SLCO1A2: variants seen among roughly 807,000 people sequenced by gnomAD.
The protein encoded by SLCO1A2 is OATP-1.
A neutral mutation model predicts 69.0 loss-of-function variants in SLCO1A2; 67 were observed. The ratio of observed to expected loss-of-function variants is 0.97; its 90% CI spans 0.80 to 1.19. The LOEUF is 1.19. Among genes scored for constraint, SLCO1A2 ranks in the 50% most tolerant of loss-of-function variants. SLCO1A2 has a pLI of 0.00. For synonymous variants in SLCO1A2, 260 were observed against 265.9 expected, an observed-to-expected ratio of 0.98 and a Z score of 0.22; for missense variants, 787 against 793.7, an observed-to-expected ratio of 0.99 and a Z score of 0.10.
Position 21,268,776 on chromosome 12 carries a change from CT to C in SLCO1A2, c.*771del, listed in dbSNP as rs1396323382. On this transcript the variant is annotated 3_prime_UTR_variant, in exon 15 of 15. Transcript: ENST00000683939. ...GACAATATCTGACATTACAAACAGC[CT>C]TTAAGAACTGGAGTTTTTATAATAT... The C allele has an allele frequency of 6.6e-6, 1 of 151,922 alleles. No individual in the cohort carries two copies. The highest frequency in any genetic ancestry group is 1.5e-5 in the Non-Finnish European group (1 of 67,946). The allele number at this position is 151,922 out of a possible 1,614,324, so 9.4% of individuals were successfully genotyped here.
chr12:21,297,150 GAGA>G (rs1294552328), intron 9 of SLCO1A2, among the ~76,000 whole-genome samples: 2 of 152,052 alleles, frequency 1.3e-5, no homozygotes, highest in Non-Finnish European at 2.9e-5. Context: ...TGACTTCAGA[GAGA>G]AGAAAATCAA....
chr12:21,327,761 CT>C lies in SLCO1A2; in HGVS notation c.60+6826del, dbSNP rs562592423. ...TTGTATCTAGGAAGTAACTAACTTG[CT>C]TTTGATTTTTTTTGATGGCTCCTAA... is the stretch of plus-strand genomic sequence containing the variant. On this transcript the variant is annotated intron_variant, in intron 2 of 14. Transcript: ENST00000683939. 9.2e-5 allele frequency among the ~76,000 whole-genome samples: 14 copies of C among 152,160 alleles called. No individual in the cohort carries two copies. The South Asian group carries it at 2.9e-3, about 32-fold the overall frequency.
rs11568564 is a variant in SLCO1A2, at chr12:21,304,514, G to T, written c.502C>A (p.Arg168Ser). ...WVYVLVGNIV[R>S]GMGETPILPL... ...AGGATGGGAGTTTCACCCATTCCAC[G>T]TACAATATTGCCTACTAGGACGTAC... Residue 168 changes from arginine (R) to serine (S), a missense_variant, in exon 6 of 15, where the codon CGT becomes AGT. By Grantham distance (110) the Arg-to-Ser change is moderately radical (BLOSUM62 -1). Coordinates refer to ENST00000683939, the MANE Select transcript of SLCO1A2 (RefSeq NM_001386879.1). 3.1e-6 allele frequency: 5 copies of T among 1,612,144 alleles called. No homozygotes were observed. In the South Asian group the frequency reaches 4.4e-5, roughly 14 times the overall value.
intron 2 of SLCO1A2, among the ~76,000 whole-genome samples, chr12:21,368,470 A>T (rs1005644191): frequency 1.1e-4 from 16 of 148,776 alleles, no homozygotes; most frequent in Non-Finnish European, 2.1e-4. Context: ...AACCAGTTAA[A>T]TTTTTTTTTT....
intron 11 of SLCO1A2, 89 bp downstream of exon 11, chr12:21,293,856 T>C: frequency 9.4e-7 from 1 of 1,063,190 alleles, no homozygotes; most frequent in Non-Finnish European, 1.3e-6. Context: ...GAGGAAACAC[T>C]AATTTTACTT....
intron 11 of SLCO1A2, 81 bp downstream of exon 11, chr12:21,293,864 C>A: frequency 8.5e-7 from 1 of 1,180,568 alleles, no homozygotes; most frequent in Non-Finnish European, 1.1e-6. Flanking sequence ...ACTAATTTTA[C>A]TTTTATTAAA....
rs4148980 is a variant in SLCO1A2 at position 21,334,382 on chromosome 12, G to C, written c.60+206C>G. Among the ~76,000 whole-genome samples, 43 of 152,116 alleles carry C rather than the reference G, an allele frequency of 2.8e-4. No individual in the cohort carries two copies. The East Asian group carries it at 7.4e-3, about 26-fold the overall frequency. ...CATTTAAGTCTCTCAAAGCCATTTA[G>C]GACTAACTTGCCTGAATCAATAATC... is the stretch of plus-strand genomic sequence containing the variant. On this transcript the variant is annotated intron_variant, in intron 2 of 14. Transcript: ENST00000683939.
chr12:21,352,891 T>C (rs1344395715), intron 2 of SLCO1A2, among the ~76,000 whole-genome samples: 1 of 152,232 alleles, frequency 6.6e-6, no homozygotes, highest in African/African-American at 2.4e-5. Context: ...CCACTCAATT[T>C]ACATTTAAAG....
At chr12:21,274,611 T>G in intron 13 of SLCO1A2, 25 bp from the exon 14 acceptor site, 1 of 1,390,834 alleles carries the variant, frequency 7.2e-7, no homozygotes, top group Middle Eastern at 1.8e-4. Context: ...GAAAGAAAAA[T>G]CTATCAACAA....
At chr12:21,292,719 T>A (rs921823944) in intron 11 of SLCO1A2, among the ~76,000 whole-genome samples, 1 of 152,004 alleles carries the variant, frequency 6.6e-6, no homozygotes, top group Non-Finnish European at 1.5e-5. Flanking sequence ...CCCTAGCCTC[T>A]GGGGTAGCTG....
chr12:21,324,697 C>T (rs960817171), intron 2 of SLCO1A2: 1 of 152,182 alleles, frequency 6.6e-6, no homozygotes, highest in African/African-American at 2.4e-5. Context: ...GAAAAAGATT[C>T]TCTTGACTCT....
chr12:21,384,567 A>C (rs1940770371), intron 1 of SLCO1A2, among the ~76,000 whole-genome samples: 1 of 152,188 alleles, frequency 6.6e-6, no homozygotes, highest in African/African-American at 2.4e-5. Flanking sequence ...CATATCTGGT[A>C]AGTTTATCAG....
chr12:21,300,028 A>T (rs1948488674), intron 8 of SLCO1A2, among the ~76,000 whole-genome samples: 1 of 145,668 alleles, frequency 6.9e-6, no homozygotes, highest in African/African-American at 2.7e-5. Flanking sequence ...ATGTGTATAT[A>T]TGTGTGTATA....
intron 2 of SLCO1A2, 152 bp downstream of exon 2, chr12:21,334,436 C>A: frequency 1.7e-6 from 1 of 576,324 alleles, no homozygotes; most frequent in Non-Finnish European, 3.0e-6. Flanking sequence ...AGTTATAAAA[C>A]CAACTTCTTT....
At chr12:21,282,150 AT>A (rs1944917316) in intron 12 of SLCO1A2, among the ~76,000 whole-genome samples, 4 of 151,884 alleles carry the variant, frequency 2.6e-5, no homozygotes, top group Non-Finnish European at 4.4e-5. Context: ...CTAAAGGCTA[AT>A]ATCACTGATG....
chr12:21,327,926 C>T (rs771268423), intron 2 of SLCO1A2, among the ~76,000 whole-genome samples: 100 of 152,070 alleles, frequency 6.6e-4, no homozygotes, highest in Non-Finnish European at 9.7e-4. Flanking sequence ...TGTGTCCCCA[C>T]CAAAATCTCA....
At chr12:21,293,667 T>C (rs1947265872) in intron 11 of SLCO1A2, among the ~76,000 whole-genome samples, 1 of 151,820 alleles carries the variant, frequency 6.6e-6, no homozygotes, top group East Asian at 1.9e-4. Flanking sequence ...AATGATAAAA[T>C]TTTTTTAGTC....
intron 2 of SLCO1A2, among the ~76,000 whole-genome samples, chr12:21,354,219 G>A (rs1031212031): frequency 7.2e-5 from 11 of 152,268 alleles, no homozygotes; most frequent in Admixed American, 1.3e-4. Context: ...AGTCCTCTGC[G>A]GACACTGTGC....
chr12:21,265,507 A>C lies in SLCO1A2; in HGVS notation c.*4041T>G, dbSNP rs1389367902. The C allele has an allele frequency of 6.6e-6, 1 of 152,194 alleles. No homozygotes were observed. Among genetic ancestry groups the C allele is most frequent in the Non-Finnish European group, 1.5e-5 (1 of 68,054 alleles). The allele number at this position is 152,194 out of a possible 1,614,324, so 9.4% of individuals were successfully genotyped here. A position where few individuals can be genotyped will look rare whatever the true frequency, so the allele number is the denominator to read the frequency against. ...CCTCTGCACAGGACTGTGTTAACAAATCATCTGCCCTTGATGCTCAAGTTT... is the reference window on the plus strand; with the variant it reads ...CCTCTGCACAGGACTGTGTTAACAACTCATCTGCCCTTGATGCTCAAGTTT... On this transcript the variant is annotated 3_prime_UTR_variant, in exon 15 of 15. Coordinates refer to ENST00000683939, the MANE Select transcript of SLCO1A2 (RefSeq NM_001386879.1).
Sources: allele counts gnomAD v4.1 joint callset (sites outside exome capture counted in the v4.1 genomes callset), GRCh38; gene constraint gnomAD v4.1.1; transcripts MANE v1.5; gene names NCBI Gene and HGNC (gene_info 2026-07-23, HGNC 2026-07-21).